The following HCN1 variants were observed in gnomAD, a reference collection of about 807,000 sequenced individuals.
HCN1 encodes the protein potassium/sodium hyperpolarization-activated cyclic nucleotide-gated channel 1.
In HCN1, 13 loss-of-function variants were observed where a neutral mutation model predicts 78.9. The observed-to-expected ratio is 0.16, with a 90% confidence interval of 0.11 to 0.26. HCN1 has a LOEUF of 0.26. HCN1 is among the 10% of genes least tolerant of loss of function. HCN1 has a pLI of 1.00. For synonymous variants in HCN1, 552 were observed against 455.5 expected, an observed-to-expected ratio of 1.21 and a Z score of -2.70; for missense variants, 810 against 1,154.3, an observed-to-expected ratio of 0.70 and a Z score of 4.32.
chr5:45,288,506 T>C (rs1182505704), intron 6 of HCN1, among the ~76,000 whole-genome samples: 4 of 152,146 alleles, frequency 2.6e-5, no homozygotes, highest in Admixed American at 1.3e-4. Flanking sequence ...TTACACATGA[T>C]GATTCTGAGC....
At chr5:45,516,645 C>T (rs1427154890) in intron 2 of HCN1, among the ~76,000 whole-genome samples, 1 of 151,840 alleles carries the variant, frequency 6.6e-6, no homozygotes, top group Non-Finnish European at 1.5e-5. Context: ...TTGTCAACTC[C>T]AGGATTAACT....
intron 5 of HCN1, among the ~76,000 whole-genome samples, chr5:45,319,577 G>T (rs1226950001): frequency 1.3e-5 from 2 of 151,600 alleles, no homozygotes; most frequent in Non-Finnish European, 2.9e-5. Flanking sequence ...TTATACTCTT[G>T]ACATGAGTTC....
chr5:45,311,296 C>T (rs1161483046), intron 5 of HCN1, among the ~76,000 whole-genome samples: 2 of 152,084 alleles, frequency 1.3e-5, no homozygotes, highest in Admixed American at 6.6e-5. Flanking sequence ...AATATTATTA[C>T]ATAATTTATA....
intron 5 of HCN1, among the ~76,000 whole-genome samples, chr5:45,313,651 C>T (rs977850022): frequency 9.9e-5 from 15 of 152,120 alleles, no homozygotes; most frequent in African/African-American, 1.7e-4. Context: ...ACTAGAACAA[C>T]CAGTGTAGAG....
chr5:45,306,550 T>C (rs1745737294), intron 5 of HCN1, among the ~76,000 whole-genome samples: 1 of 152,036 alleles, frequency 6.6e-6, no homozygotes, highest in Non-Finnish European at 1.5e-5. Context: ...ATAGAAAAAA[T>C]GGTAATGAGA....
intron 2 of HCN1, among the ~76,000 whole-genome samples, chr5:45,497,560 C>T (rs1286695916): frequency 2.0e-5 from 3 of 152,056 alleles, no homozygotes; most frequent in South Asian, 4.1e-4. Flanking sequence ...GCTTGGTAGA[C>T]CTTCCTCCAT....
chr5:45,564,882 T>C (rs1743676170), intron 2 of HCN1, among the ~76,000 whole-genome samples: 1 of 152,166 alleles, frequency 6.6e-6, no homozygotes, highest in Non-Finnish European at 1.5e-5. Context: ...AAGGGATTCG[T>C]TGGGCACACT....
At chr5:45,348,538 G>T (rs1209163048) in intron 5 of HCN1, among the ~76,000 whole-genome samples, 1 of 152,142 alleles carries the variant, frequency 6.6e-6, no homozygotes, top group Non-Finnish European at 1.5e-5. Flanking sequence ...AATGTAAATG[G>T]ACTAAATGCT....
chr5:45,544,476 G>A (rs1028384411), intron 2 of HCN1, among the ~76,000 whole-genome samples: 1 of 151,834 alleles, frequency 6.6e-6, no homozygotes, highest in African/African-American at 2.4e-5. Context: ...TTAAGTTCTA[G>A]GGTACATGTG....
intron 2 of HCN1, among the ~76,000 whole-genome samples, chr5:45,600,031 A>G (rs1423856566): frequency 2.0e-5 from 3 of 152,130 alleles, no homozygotes; most frequent in South Asian, 2.1e-4. Flanking sequence ...GCTAAAGACT[A>G]AAAGCACTAT....
At chr5:45,504,647 T>C (rs1221892226) in intron 2 of HCN1, among the ~76,000 whole-genome samples, 2 of 152,204 alleles carry the variant, frequency 1.3e-5, no homozygotes, top group Non-Finnish European at 1.5e-5. Flanking sequence ...ATGGTATTTC[T>C]AGTTCTAGAT....
intron 1 of HCN1, among the ~76,000 whole-genome samples, chr5:45,666,433 G>C (rs540540058): frequency 6.6e-6 from 1 of 151,992 alleles, no homozygotes; most frequent in Non-Finnish European, 1.5e-5. Flanking sequence ...GGCAACAACC[G>C]TGTCATTGTT....
intron 4 of HCN1, among the ~76,000 whole-genome samples, chr5:45,364,858 A>G (rs1017868306): frequency 2.0e-5 from 3 of 152,088 alleles, no homozygotes; most frequent in Non-Finnish European, 4.4e-5. Context: ...GATGATGCTA[A>G]TGCTGGTAGT....
chr5:45,660,643 G>T (rs1333065086), intron 1 of HCN1, among the ~76,000 whole-genome samples: 1 of 150,222 alleles, frequency 6.7e-6, no homozygotes, highest in African/African-American at 2.5e-5. Context: ...AAAAAGGCAG[G>T]GGTTGCAATC....
intron 6 of HCN1, among the ~76,000 whole-genome samples, chr5:45,274,273 G>C (rs888266000): frequency 2.6e-5 from 4 of 152,004 alleles, no homozygotes; most frequent in African/African-American, 9.7e-5. Flanking sequence ...CTCATGCCCT[G>C]TTATTTATGG....
At chr5:45,590,792 T>C (rs955089284) in intron 2 of HCN1, among the ~76,000 whole-genome samples, 1 of 152,192 alleles carries the variant, frequency 6.6e-6, no homozygotes, top group Non-Finnish European at 1.5e-5. Flanking sequence ...TCTTCCTCCA[T>C]ACATATTCAT....
intron 1 of HCN1, among the ~76,000 whole-genome samples, chr5:45,676,370 G>T (rs894804256): frequency 6.6e-6 from 1 of 151,364 alleles, no homozygotes; most frequent in African/African-American, 2.4e-5. Flanking sequence ...TATTTTTATT[G>T]GTCAATCAGA....
At chr5:45,650,096 A>G (rs2112039032) in intron 1 of HCN1, among the ~76,000 whole-genome samples, 2 of 152,238 alleles carry the variant, frequency 1.3e-5, no homozygotes, top group Admixed American at 1.3e-4. Context: ...AGTATTTGTA[A>G]AAGAACTTGC....
chr5:45,641,763 T>C (rs910280458), intron 2 of HCN1: 3 of 152,160 alleles, frequency 2.0e-5, no homozygotes, highest in African/African-American at 4.8e-5. Flanking sequence ...CTCCTGTTGA[T>C]AAAATGACTG....
Sources: gnomAD v4.1 joint callset for allele counts (sites outside exome capture counted in the v4.1 genomes callset) on GRCh38, gnomAD v4.1.1 for gene constraint, MANE v1.5 for transcripts, NCBI Gene and HGNC (gene_info 2026-07-23, HGNC 2026-07-21) for gene names.